Variants in SZT2 observed in about 807,000 individuals in gnomAD.
The protein encoded by SZT2 is SZT2 subunit of KICSTOR complex, also known as KICSTOR complex protein SZT2.
In SZT2, 216 loss-of-function variants were observed where a neutral mutation model predicts 404.2. The observed-to-expected ratio is 0.53, with a 90% confidence interval of 0.48 to 0.60. SZT2 has a LOEUF of 0.60. SZT2 is among the 20% of genes least tolerant of loss of function. SZT2 has a pLI of 0.00. For synonymous variants in SZT2, 1,693 were observed against 1,749.9 expected (o/e 0.97, Z 0.81); for missense variants, 3,857 against 4,459.2 (o/e 0.86, Z 3.85).
chr1:43,408,741 TA>T (rs1171959107), intron 4 of SZT2, among the ~76,000 whole-genome samples: 5 of 152,240 alleles, frequency 3.3e-5, no homozygotes, highest in Non-Finnish European at 7.3e-5. Context: ...TTCATTATTC[TA>T]AATAATATGA....
intron 1 of SZT2, among the ~76,000 whole-genome samples, chr1:43,396,353 G>C (rs566805835): frequency 1.3e-5 from 2 of 152,350 alleles, no homozygotes; most frequent in East Asian, 1.9e-4. Flanking sequence ...CAGAGGGTCA[G>C]ATTCTCCCTG....
rs770669229 is a variant in SZT2 at position 43,425,574 on chromosome 1, C to T, written c.2746C>T (p.Arg916Ter). Residue 916 changes from arginine to a stop codon, truncating the protein, a stop_gained, in exon 19 of 72, where the codon CGA (arginine) becomes TGA (stop). Transcript: ENST00000634258. LOFTEE classifies it high-confidence loss of function. This position sits in a 1 kb window ranked among gnomAD's most constrained non-coding sequence, Gnocchi z 4.3. ...GGTGTGGGTGGAGCCACAGTATGGG[C>T]GAGTGGGACCTGGCCCTGGAATCTG... is the stretch of plus-strand genomic sequence containing the variant. Reference protein sequence around the residue: ...TEVWVEPQYGRVGPGPGIWKH... With the variant: ...TEVWVEPQYG 4 of 1,614,036 alleles carry T rather than the reference C, an allele frequency of 2.5e-6. No individual in the cohort carries two copies. Among genetic ancestry groups the T allele is most frequent in the Non-Finnish European group, 2.5e-6 (3 of 1,180,032 alleles).
intron 11 of SZT2, 52 bp from the exon 12 acceptor site, chr1:43,422,031 G>T: frequency 1.9e-6 from 3 of 1,542,622 alleles, no homozygotes; most frequent in Non-Finnish European, 2.6e-6. Context: ...TTTGGAGTTT[G>T]TACCCTGGTC....
intron 27 of SZT2, 52 bp downstream of exon 27, chr1:43,428,170 G>A (rs1183504941): frequency 1.2e-6 from 2 of 1,611,830 alleles, no homozygotes; most frequent in South Asian, 2.2e-5. Context: ...GGAGATACAG[G>A]GATTACAGGG....
At chr1:43,431,414 A>C in intron 34 of SZT2, 42 bp downstream of exon 34, 1 of 1,613,690 alleles carries the variant, frequency 6.2e-7, no homozygotes, top group Non-Finnish European at 8.5e-7. Context: ...ACTGCTTTTC[A>C]ATTTCATTTT....
At position 43,425,207 on chromosome 1, in the gene SZT2, G is replaced by A. The variant is rs1429640484; in HGVS notation, c.2645G>A (p.Ser882Asn). ...FPPHSTSTKD[S>N]FSTDDDNDVE... ...CCACACTCTACCTCCACCAAAGACA[G>A]GTGAGACAGGCCATCTGTGAGGGCC... The change falls in exon 18 of 72, where the codon AGC (serine) becomes AAC (asparagine). Residue 882 changes from serine (S) to asparagine (N), a missense_variant and splice_region_variant. This residue lies in a region of SZT2 where 1,725 missense variants were observed against 1,881.0 expected (regional missense o/e 0.92). Transcript: ENST00000634258. This position sits in a 1 kb window ranked among gnomAD's most constrained non-coding sequence, Gnocchi z 4.3. 1 of 1,614,148 alleles carries A rather than the reference G, an allele frequency of 6.2e-7. No individual in the cohort carries two copies. The highest frequency in any genetic ancestry group is 2.2e-5 in the East Asian group (1 of 44,878).
chr1:43,419,823 C>T lies in SZT2; in HGVS notation c.969C>T (p.Ser323=). The T allele has an allele frequency of 1.3e-6, 2 of 1,598,482 alleles. No homozygotes were observed. Among genetic ancestry groups the T allele is most frequent in the Non-Finnish European group, 1.7e-6 (2 of 1,179,810 alleles). Residue 323 remains serine, a synonymous_variant, in exon 8 of 72, where the codon TCC becomes TCT. Coordinates refer to ENST00000634258, the MANE Select transcript of SZT2 (RefSeq NM_001365999.1). ...MKFIAMATFG[S]YLSTCPEPEP... is the part of the protein sequence containing the mutation. ...TCATCGCAATGGCAACATTTGGGTC[C>T]TACCTGTCCACTTGTCCTGAGCCGG...
intron 1 of SZT2, among the ~76,000 whole-genome samples, chr1:43,392,437 C>G (rs1205240810): frequency 1.4e-5 from 2 of 138,946 alleles, no homozygotes; most frequent in African/African-American, 5.4e-5. Context: ...TTTTTTGAGA[C>G]GAAGTCTCGC....
chr1:43,398,260 T>G (rs1000412458), intron 1 of SZT2, among the ~76,000 whole-genome samples: 3 of 152,190 alleles, frequency 2.0e-5, no homozygotes, highest in Admixed American at 1.3e-4. Flanking sequence ...TTAGAACATA[T>G]AGCGAGAGGG....
chr1:43,453,228 A>T lies in SZT2; in HGVS notation c.*2748A>T, dbSNP rs1009996160. On this transcript the variant is annotated 3_prime_UTR_variant, in exon 72 of 72. Transcript: ENST00000634258. ...GCAAACAGAGTGGCATAAGACAGATAAAATACAAAAGGCAATTTACAAAGG... is the reference window on the plus strand; with the variant it reads ...GCAAACAGAGTGGCATAAGACAGATTAAATACAAAAGGCAATTTACAAAGG... 1 of 641,708 alleles carries T rather than the reference A, an allele frequency of 1.6e-6. No homozygotes were observed. Among genetic ancestry groups the T allele is most frequent in the African/African-American group, 1.8e-5 (1 of 54,816 alleles). The allele number at this position is 641,708 out of a possible 1,614,324, so 39.8% of individuals were successfully genotyped here. A position where few individuals can be genotyped will look rare whatever the true frequency, so the allele number is the denominator to read the frequency against.
chr1:43,422,528 C>T lies in SZT2; in HGVS notation c.1818C>T (p.Ser606=). ...CCCCGGGCAGCAATGGGCGCTACAG[C>T]ACTATCCAGTGCAGGATCTCCCACT... ...LHTPGSNGRY[S]TIQCRISHSS... is the part of the protein sequence containing the mutation. Residue 606 remains serine, a synonymous_variant, in exon 13 of 72, where the codon AGC becomes AGT. Transcript: ENST00000634258. The T allele has an allele frequency of 6.3e-7, 1 of 1,598,016 alleles. No individual in the cohort carries two copies. Among genetic ancestry groups the T allele is most frequent in the Non-Finnish European group, 8.5e-7 (1 of 1,179,568 alleles).
rs1341931438 is a variant in SZT2 at position 43,432,354 on chromosome 1, A to G, written c.5357A>G (p.Gln1786Arg). The change falls in exon 37 of 72, where the codon CAG becomes CGG. Residue 1786 changes from glutamine (Q) to arginine (R), a missense_variant. Physicochemically the swap from Gln to Arg is conservative, Grantham distance 43. Transcript: ENST00000634258. ...TTCTTCTTTGTGGCAGCTGGCCAAC[A>G]GCCAGGTGGGTCCCATGGGGAGCCT... ...SGFFFVAAGQ[Q>R]PGGSHGEPSS... The G allele has an allele frequency of 3.7e-6, 6 of 1,608,050 alleles. No homozygotes were observed. Among genetic ancestry groups the G allele is most frequent in the Non-Finnish European group, 5.1e-6 (6 of 1,177,282 alleles).
rs1297667838 is a variant in SZT2, at chr1:43,452,818, C to T, written c.*2338C>T. The T allele has an allele frequency of 2.1e-6, 3 of 1,414,494 alleles. No homozygotes were observed. The highest frequency in any genetic ancestry group is 1.2e-5 in the South Asian group (1 of 80,670). 87.6% of individuals were successfully genotyped at this position (1,414,494 alleles called of 1,614,324 possible). A position where few individuals can be genotyped will look rare whatever the true frequency, so the allele number is the denominator to read the frequency against. On this transcript the variant is annotated 3_prime_UTR_variant, in exon 72 of 72. Coordinates refer to ENST00000634258, the MANE Select transcript of SZT2 (RefSeq NM_001365999.1). Reference sequence around the variant, plus strand: ...TGAATCAGCCCCACTTTGAGCCGTCCACCTCCTCCCATCATCCCCTGATCT... The same window carrying T: ...TGAATCAGCCCCACTTTGAGCCGTCTACCTCCTCCCATCATCCCCTGATCT...
At chr1:43,411,027 C>T (rs1171901726) in intron 4 of SZT2, among the ~76,000 whole-genome samples, 1 of 152,134 alleles carries the variant, frequency 6.6e-6, no homozygotes, top group Non-Finnish European at 1.5e-5. Flanking sequence ...TACAGGGACT[C>T]TGGCAGCTGA....
At position 43,452,098 on chromosome 1, in the gene SZT2, T is replaced by G. The variant is rs1656500784; in HGVS notation, c.*1618T>G. ...AGTCACTGGTCAAGGCCCTCACCTG[T>G]TCCTCTGACCTAGGCTGGCAGCCTC... On this transcript the variant is annotated 3_prime_UTR_variant, in exon 72 of 72. Transcript: ENST00000634258. 1.1e-5 allele frequency: 16 copies of G among 1,511,908 alleles called. No individual in the cohort carries two copies. Among genetic ancestry groups the G allele is most frequent in the Non-Finnish European group, 1.5e-5 (16 of 1,097,230 alleles). The allele number at this position is 1,511,908 out of a possible 1,614,324, so 93.7% of individuals were successfully genotyped here.
In SZT2 at chr1:43,435,226, C is replaced by G. The variant is rs1384435663; in HGVS notation, c.5931C>G (p.Asp1977Glu). 2 of 1,614,238 alleles carry G rather than the reference C, an allele frequency of 1.2e-6. No homozygotes were observed. The highest frequency in any genetic ancestry group is 1.7e-6 in the Non-Finnish European group (2 of 1,180,034). ...GACTGCTTCTTCAAGACCTTCATGACAGCCACGTGTGTAACTCTCTTCTGG... is the reference window on the plus strand; with the variant it reads ...GACTGCTTCTTCAAGACCTTCATGAGAGCCACGTGTGTAACTCTCTTCTGG... Reference protein sequence around the residue: ...NQRLLLQDLHDSHVCNSLLVA... With the variant: ...NQRLLLQDLHESHVCNSLLVA... Residue 1977 changes from aspartate to glutamate, a missense_variant, in exon 42 of 72, where the codon GAC becomes GAG. By Grantham distance (45) the Asp-to-Glu change is conservative (BLOSUM62 2). Around this residue, in one of 7 missense-constraint regions of SZT2, gnomAD observed 1,725 missense variants for 1,881.0 expected, o/e 0.92. Coordinates refer to ENST00000634258, the MANE Select transcript of SZT2 (RefSeq NM_001365999.1).
rs2153935815 is a variant in SZT2 at position 43,441,811 on chromosome 1, C to T, written c.7735C>T (p.Gln2579Ter). 6.2e-7 allele frequency: 1 copy of T among 1,614,164 alleles called. No homozygotes were observed. Among genetic ancestry groups the T allele is most frequent in the Non-Finnish European group, 8.5e-7 (1 of 1,180,030 alleles). Residue 2579 changes from glutamine (Q) to a stop codon, truncating the protein, a stop_gained, in exon 55 of 72, where the codon CAG becomes TAG. Coordinates refer to ENST00000634258, the MANE Select transcript of SZT2 (RefSeq NM_001365999.1). LOFTEE classifies it high-confidence loss of function. The surrounding 1 kb of genome is among the most constrained non-coding windows in gnomAD (Gnocchi z 4.8). The part of the protein sequence containing the change: ...AGDTSVRIFE[Q>*]HLGSEPEIFG... ...AGACACCAGTGTCCGCATCTTTGAG[C>T]AGCATTTGTGAGTGTAGATCCTATA...
chr1:43,424,131 G>A lies in SZT2; in HGVS notation c.2256-86G>A. The stretch of plus-strand genomic sequence containing the variant: ...CAGAGGTGTGGAAGGGCGTGGCTTA[G>A]CCAGCTGTGAGTGGTACAGAGGTGT... On this transcript the variant is annotated intron_variant, in intron 15 of 71. Transcript: ENST00000634258. The surrounding 1 kb of genome is among the most constrained non-coding windows in gnomAD (Gnocchi z 4.1). The A allele has an allele frequency of 8.3e-7, 1 of 1,204,332 alleles. No homozygotes were observed. Among genetic ancestry groups the A allele is most frequent in the Non-Finnish European group, 1.2e-6 (1 of 858,930 alleles). 74.6% of individuals were successfully genotyped at this position (1,204,332 alleles called of 1,614,324 possible). A position where few individuals can be genotyped will look rare whatever the true frequency, so the allele number is the denominator to read the frequency against.
intron 4 of SZT2, among the ~76,000 whole-genome samples, chr1:43,408,790 C>G (rs1650649302): frequency 6.6e-6 from 1 of 152,122 alleles, no homozygotes; most frequent in South Asian, 2.1e-4. Flanking sequence ...GGCTCCAGTT[C>G]TGCTCGTTTT....
Sources: allele counts gnomAD v4.1 joint callset (sites outside exome capture counted in the v4.1 genomes callset), GRCh38; gene constraint gnomAD v4.1.1; regional missense constraint gnomAD v4.1.1; non-coding constraint Gnocchi (gnomAD v3.1); transcripts MANE v1.5; gene names NCBI Gene and HGNC (gene_info 2026-07-23, HGNC 2026-07-21).